Variants in C10orf90 observed in about 807,000 individuals in gnomAD.
C10orf90 encodes (E2-independent) E3 ubiquitin-conjugating enzyme FATS.
C10orf90 carries 56 observed loss-of-function variants against 62.5 expected under a neutral mutation model. The observed-to-expected ratio is 0.90, with a 90% CI of 0.72 to 1.12. The LOEUF (loss-of-function observed/expected upper bound fraction) is 1.12. C10orf90 is among the 50% of genes most tolerant of loss of function. The pLI is 0.00. For missense variants in C10orf90, 970 were observed against 880.4 expected, an observed-to-expected ratio of 1.10 and a Z score of -1.29; for synonymous variants, 386 against 340.4, an observed-to-expected ratio of 1.13 and a Z score of -1.47.
intron 4 of C10orf90, among the ~76,000 whole-genome samples, chr10:126,467,136 C>T (rs969121303): frequency 1.3e-5 from 2 of 152,128 alleles, no homozygotes; most frequent in East Asian, 1.9e-4. Context: ...ATCTATCTAT[C>T]ATCTATCTAT....
intron 2 of C10orf90, among the ~76,000 whole-genome samples, chr10:126,564,506 T>G (rs1444900492): frequency 6.6e-6 from 1 of 151,712 alleles, no homozygotes; most frequent in African/African-American, 2.4e-5. Context: ...CCCGAGTCCC[T>G]GGAGTTTGTG....
chr10:126,489,761 T>C (rs890002997), intron 4 of C10orf90, among the ~76,000 whole-genome samples: 2 of 151,350 alleles, frequency 1.3e-5, no homozygotes, highest in African/African-American at 4.9e-5. Context: ...GACTTAAAGA[T>C]GTACTTGCAT....
chr10:126,441,285 A>C (rs2134024171), intron 7 of C10orf90, among the ~76,000 whole-genome samples: 1 of 152,284 alleles, frequency 6.6e-6, no homozygotes, highest in East Asian at 1.9e-4. Context: ...GAAGAAAGAA[A>C]TTCAGAGCTC....
At chr10:126,592,712 G>A (rs1334519995) in intron 2 of C10orf90, among the ~76,000 whole-genome samples, 5 of 152,122 alleles carry the variant, frequency 3.3e-5, no homozygotes, top group Admixed American at 1.3e-4. Flanking sequence ...TTAAACTAAA[G>A]AGCTTCTGTA....
At chr10:126,588,769 T>C (rs1844924378) in intron 2 of C10orf90, among the ~76,000 whole-genome samples, 1 of 152,156 alleles carries the variant, frequency 6.6e-6, no homozygotes, top group Non-Finnish European at 1.5e-5. Context: ...GCAACAACAC[T>C]GAAAATTCAA....
Position 126,469,933 on chromosome 10 carries a change from G to A in C10orf90, c.1535-4947C>T, listed in dbSNP as rs12573005. ...GAGGCTGCTGCAGAGGGGAAGGAAG[G>A]TGTTCTTCTGCATGCAATAAATACG... On this transcript the variant is annotated intron_variant, in intron 4 of 9. Transcript: ENST00000488181. The A allele has an allele frequency of 4.0e-3, 1,812 of 456,778 alleles. 32 individuals carry two copies. In the East Asian group the frequency reaches 0.046, roughly 12 times the overall value. The allele number at this position is 456,778 out of a possible 1,614,324, so 28.3% of individuals were successfully genotyped here.
intron 2 of C10orf90, among the ~76,000 whole-genome samples, chr10:126,622,890 C>A (rs1182090145): frequency 2.6e-5 from 4 of 152,220 alleles, no homozygotes; most frequent in African/African-American, 9.7e-5. Context: ...ATTTAATTTA[C>A]ATGTGCAAGC....
intron 2 of C10orf90, among the ~76,000 whole-genome samples, chr10:126,544,824 C>T (rs1366170242): frequency 1.8e-5 from 2 of 111,226 alleles, no homozygotes; most frequent in East Asian, 5.2e-4. Context: ...CAATCCTGCC[C>T]ATTTGTACTG....
intron 2 of C10orf90, among the ~76,000 whole-genome samples, chr10:126,598,322 C>A (rs974576308): frequency 1.6e-4 from 25 of 152,264 alleles, no homozygotes; most frequent in African/African-American, 6.0e-4. Context: ...CAATGTGTTA[C>A]AAACTCAGGT....
intron 3 of C10orf90, among the ~76,000 whole-genome samples, chr10:126,507,735 G>A (rs1006871769): frequency 7.2e-5 from 11 of 152,198 alleles, no homozygotes; most frequent in African/African-American, 2.2e-4. Context: ...CCTCATTCCC[G>A]AAAAATTACA....
chr10:126,428,511 T>G (rs1024168090), intron 8 of C10orf90, among the ~76,000 whole-genome samples: 7 of 152,226 alleles, frequency 4.6e-5, no homozygotes, highest in Non-Finnish European at 1.0e-4. Context: ...AGCTGCTAAA[T>G]CCACCAGAGG....
intron 7 of C10orf90, among the ~76,000 whole-genome samples, chr10:126,433,387 T>C (rs1465947250): frequency 6.6e-6 from 1 of 152,020 alleles, no homozygotes; most frequent in African/African-American, 2.4e-5. Flanking sequence ...GAAGGGCATC[T>C]GGGAAAACTC....
At chr10:126,445,803 G>GTATATATATATATATATATATATA (rs1227032547) in intron 7 of C10orf90, among the ~76,000 whole-genome samples, 2 of 67,074 alleles carry the variant, frequency 3.0e-5, no homozygotes, top group African/African-American at 1.3e-4. Flanking sequence ...AGAAACTGTG[G>GTATATATATATATATATATATATA]TGTATATATA....
intron 2 of C10orf90, among the ~76,000 whole-genome samples, chr10:126,642,549 C>A (rs1380434650): frequency 6.6e-6 from 1 of 151,972 alleles, no homozygotes; most frequent in Non-Finnish European, 1.5e-5. Flanking sequence ...AAATACAAAA[C>A]CCTGATGTCT....
At chr10:126,519,036 A>G (rs1403572739) in intron 2 of C10orf90, among the ~76,000 whole-genome samples, 7 of 152,178 alleles carry the variant, frequency 4.6e-5, no homozygotes, top group Non-Finnish European at 1.0e-4. Context: ...AGAGAAAGTC[A>G]CGGCTTTGCT....
At position 126,425,709 on chromosome 10, in the gene C10orf90, GT is replaced by G; in HGVS notation, c.*154del. The G allele has an allele frequency of 1.3e-6, 1 of 746,918 alleles. No individual in the cohort carries two copies. The highest frequency in any genetic ancestry group is 2.1e-6 in the Non-Finnish European group (1 of 472,648). The allele number at this position is 746,918 out of a possible 1,614,324, so 46.3% of individuals were successfully genotyped here. ...TATTGTTTCTGTTTGGCTTGGGTCA[GT>G]AATTCAGGAAGTGATGTTTTCCTTT... On this transcript the variant is annotated 3_prime_UTR_variant, in exon 10 of 10. Coordinates refer to ENST00000488181, the MANE Select transcript of C10orf90 (RefSeq NM_001350921.2).
intron 2 of C10orf90, among the ~76,000 whole-genome samples, chr10:126,522,292 A>G (rs1429119485): frequency 2.6e-5 from 4 of 152,174 alleles, no homozygotes; most frequent in Non-Finnish European, 5.9e-5. Flanking sequence ...CAAACAAAAA[A>G]AGAGATGGCA....
At chr10:126,614,034 G>T (rs1452256113) in intron 2 of C10orf90, among the ~76,000 whole-genome samples, 1 of 152,124 alleles carries the variant, frequency 6.6e-6, no homozygotes, top group Admixed American at 6.6e-5. Context: ...GGATAATATG[G>T]GTGGGTTACA....
At chr10:126,435,169 A>G (rs1280485147) in intron 7 of C10orf90, among the ~76,000 whole-genome samples, 1 of 152,232 alleles carries the variant, frequency 6.6e-6, no homozygotes, top group Non-Finnish European at 1.5e-5. Flanking sequence ...TATGAAAGTG[A>G]TGCCATGTGC....
Sources: gnomAD v4.1 joint callset for allele counts (sites outside exome capture counted in the v4.1 genomes callset) on GRCh38, gnomAD v4.1.1 for gene constraint, MANE v1.5 for transcripts, NCBI Gene and HGNC (gene_info 2026-07-23, HGNC 2026-07-21) for gene names.